SGIP1: variants seen among roughly 807,000 people sequenced by gnomAD.
SGIP1 encodes the protein SH3GL interacting endocytic adaptor 1, also known as SH3-containing GRB2-like protein 3-interacting protein 1.
A neutral mutation model predicts 107.5 loss-of-function variants in SGIP1; 38 were observed. The ratio of observed to expected loss-of-function variants is 0.35; its 90% CI spans 0.27 to 0.46. The LOEUF (loss-of-function observed/expected upper bound fraction) is 0.46, where lower values mean the gene tolerates loss of function less well. Among genes scored for constraint, SGIP1 ranks in the 20% least tolerant of loss-of-function variants. SGIP1 has a pLI of 1.00. For synonymous variants in SGIP1, 365 were observed against 366.1 expected (o/e 1.00, Z 0.03); for missense variants, 929 against 1,019.5 (o/e 0.91, Z 1.21).
chr1:66,601,683 A>G (rs1345908135), intron 1 of SGIP1, among the ~76,000 whole-genome samples: 2 of 152,194 alleles, frequency 1.3e-5, no homozygotes, highest in African/African-American at 4.8e-5. Context: ...CAGAATACAG[A>G]TACACATATA....
chr1:66,690,670 A>T (rs2089616970), intron 17 of SGIP1: 1 of 173,452 alleles, frequency 5.8e-6, no homozygotes. Flanking sequence ...TGTTTGTTTA[A>T]ATTCCAACCA....
At position 66,750,771 on chromosome 1, in the gene SGIP1, GACTT is replaced by G. The variant is rs35973072; in HGVS notation, c.*7681_*7684del. ...AGAGAAAACCAACAACGGAAGCGAAGACTTACTTGCTCCTTCACAGAATTGCAGC... is the reference window on the plus strand; with the variant it reads ...AGAGAAAACCAACAACGGAAGCGAAGACTTGCTCCTTCACAGAATTGCAGC... On this transcript the variant is annotated 3_prime_UTR_variant, in exon 25 of 25. Coordinates refer to ENST00000371037, the MANE Select transcript of SGIP1 (RefSeq NM_032291.4). 0.36 allele frequency among the ~76,000 whole-genome samples: 55,216 copies of G among 151,728 alleles called. 10,765 individuals are homozygous for G. Among genetic ancestry groups the G allele is most frequent in the Non-Finnish European group, 0.41 (28,103 of 67,836 alleles).
rs72670255 is a variant in SGIP1, at chr1:66,572,032, C to G, written c.10+37664C>G. 5.9e-5 allele frequency among the ~76,000 whole-genome samples: 9 copies of G among 152,034 alleles called. 1 individual carries two copies. The highest frequency in any genetic ancestry group is 1.0e-4 in the Non-Finnish European group (7 of 67,996). ...ACTACATTCTGTTGTAATTATCAAG[C>G]CAATGTCTCTCTGTCTCTGTACTCC... On this transcript the variant is annotated intron_variant, in intron 1 of 24. Transcript: ENST00000371037.
At chr1:66,587,038 G>T (rs781297442) in intron 1 of SGIP1, among the ~76,000 whole-genome samples, 1 of 152,040 alleles carries the variant, frequency 6.6e-6, no homozygotes. Flanking sequence ...TCTCCACAGT[G>T]TCTGATAAGA....
chr1:66,713,220 C>G (rs1157600991), intron 18 of SGIP1, among the ~76,000 whole-genome samples: 1 of 152,086 alleles, frequency 6.6e-6, no homozygotes. Flanking sequence ...TGCTACTTAC[C>G]TTATAGCACT....
At position 66,714,332 on chromosome 1, in the gene SGIP1, A is replaced by C. The variant is rs536669810; in HGVS notation, c.1631-4962A>C. ...CTCTAGAGTCCAGGTTTCCTTTATT[A>C]AATCAACTAATAGCATCTGCTTTAC... On this transcript the variant is annotated intron_variant, in intron 18 of 24. Transcript: ENST00000371037. 5.9e-5 allele frequency among the ~76,000 whole-genome samples: 9 copies of C among 152,272 alleles called. 1 individual carries two copies. The highest frequency in any genetic ancestry group is 2.2e-4 in the African/African-American group (9 of 41,570).
intron 7 of SGIP1, among the ~76,000 whole-genome samples, chr1:66,648,386 A>AAGTGAGTGAGTG (rs34773236): frequency 1.3e-5 from 2 of 150,880 alleles, no homozygotes; most frequent in East Asian, 2.0e-4. Context: ...TAATGCTTGC[A>AAGTGAGTGAGTG]AGTGAGTGAG....
intron 7 of SGIP1, among the ~76,000 whole-genome samples, chr1:66,649,610 C>A (rs966073336): frequency 2.6e-5 from 4 of 152,128 alleles, no homozygotes; most frequent in African/African-American, 7.2e-5. Context: ...AGGGTAGAAG[C>A]AAACCTCCAT....
intron 17 of SGIP1, among the ~76,000 whole-genome samples, chr1:66,691,629 T>C (rs1462686370): frequency 6.6e-6 from 1 of 152,132 alleles, no homozygotes; most frequent in Non-Finnish European, 1.5e-5. Context: ...TTTGTTTGTT[T>C]CTGTAATTTT....
intron 12 of SGIP1, among the ~76,000 whole-genome samples, chr1:66,676,492 T>G (rs1033589506): frequency 6.6e-6 from 1 of 152,220 alleles, no homozygotes; most frequent in African/African-American, 2.4e-5. Context: ...ACCAAGTGTT[T>G]TTAGGATAGT....
At chr1:66,629,781 G>T (rs550208082) in intron 2 of SGIP1, among the ~76,000 whole-genome samples, 1 of 152,200 alleles carries the variant, frequency 6.6e-6, no homozygotes, top group Admixed American at 6.5e-5. Context: ...CCAAGTGTCT[G>T]AGGCTGCTAA....
chr1:66,690,073 C>T (rs2089487354), intron 16 of SGIP1, 117 bp from the exon 17 acceptor site: 3 of 1,169,398 alleles, frequency 2.6e-6, no homozygotes, highest in Non-Finnish European at 1.2e-6. Flanking sequence ...AAAATGGTGT[C>T]ATCTATTCTT....
At chr1:66,648,034 C>A (rs7545674) in intron 7 of SGIP1, among the ~76,000 whole-genome samples, 1 of 152,046 alleles carries the variant, frequency 6.6e-6, no homozygotes, top group Non-Finnish European at 1.5e-5. Context: ...AGTTGAGCTG[C>A]TTTACACAAC....
chr1:66,693,287 A>AAATAAATAAAT (rs1557652733), intron 17 of SGIP1, among the ~76,000 whole-genome samples: 22 of 67,842 alleles, frequency 3.2e-4, no homozygotes, highest in South Asian at 6.5e-4. Flanking sequence ...AATAAATAAA[A>AAATAAATAAAT]AACAGTAATT....
intron 1 of SGIP1, among the ~76,000 whole-genome samples, chr1:66,616,405 A>G (rs17097257): frequency 0.15 from 22,396 of 152,176 alleles, 2,172 homozygotes; most frequent in East Asian, 0.46. Context: ...CAAGAAAAGC[A>G]AGAAAAATCT....
At chr1:66,682,473 AG>A (rs1423473264) in intron 15 of SGIP1, 104 bp downstream of exon 15, 25 of 1,394,528 alleles carry the variant, frequency 1.8e-5, no homozygotes, top group Non-Finnish European at 2.4e-5. Context: ...TCAGAGCTTC[AG>A]CCCTCACTCC....
At chr1:66,613,847 T>A (rs991187925) in intron 1 of SGIP1, among the ~76,000 whole-genome samples, 1 of 152,206 alleles carries the variant, frequency 6.6e-6, no homozygotes, top group Non-Finnish European at 1.5e-5. Flanking sequence ...AGGGTAATAT[T>A]AGATGTTGTA....
intron 1 of SGIP1, among the ~76,000 whole-genome samples, chr1:66,595,124 C>A (rs1396677756): frequency 1.3e-5 from 2 of 152,176 alleles, no homozygotes; most frequent in African/African-American, 4.8e-5. Context: ...ACACATTTAT[C>A]AGATTTGTTT....
At chr1:66,667,576 A>G (rs1193094001) in intron 9 of SGIP1, 35 bp downstream of exon 9, 1 of 1,609,092 alleles carries the variant, frequency 6.2e-7, no homozygotes, top group Non-Finnish European at 8.5e-7. Context: ...TTAAACATGT[A>G]TAGAGAAAAT....
Sources: gnomAD v4.1 joint callset for allele counts (sites outside exome capture counted in the v4.1 genomes callset) on GRCh38, gnomAD v4.1.1 for gene constraint, MANE v1.5 for transcripts, NCBI Gene and HGNC (gene_info 2026-07-23, HGNC 2026-07-21) for gene names.